CHN2: variants seen among roughly 807,000 people sequenced by gnomAD.
CHN2 encodes chimerin 2.
In CHN2, 35 loss-of-function variants were observed where a neutral mutation model predicts 56.3. The ratio of observed to expected loss-of-function variants is 0.62; its 90% CI spans 0.47 to 0.82. The LOEUF is 0.82. CHN2 is among the 40% of genes least tolerant of loss of function. The pLI, the probability that CHN2 is intolerant of heterozygous loss-of-function variation, is 0.00. For missense variants in CHN2, 491 were observed against 580.5 expected (o/e 0.85, Z 1.58); for synonymous variants, 210 against 212.8 (o/e 0.99, Z 0.12).
intron 2 of CHN2, chr7:29,181,493 C>G (rs1798048573): frequency 6.6e-6 from 1 of 152,112 alleles, no homozygotes; most frequent in Non-Finnish European, 1.5e-5. Flanking sequence ...AAGCCAAAAA[C>G]TGTGAAACAA....
intron 3 of CHN2, among the ~76,000 whole-genome samples, chr7:29,392,951 T>C (rs951755914): frequency 2.0e-5 from 3 of 152,236 alleles, no homozygotes; most frequent in Non-Finnish European, 4.4e-5. Context: ...AGGCCGAGCA[T>C]GAGAAATCAT....
chr7:29,459,082 A>G (rs1017651471), intron 6 of CHN2, among the ~76,000 whole-genome samples: 1 of 152,216 alleles, frequency 6.6e-6, no homozygotes, highest in Non-Finnish European at 1.5e-5. Context: ...ATGTAGTTTC[A>G]GATTTTCTCG....
chr7:29,358,603 C>T (rs1798499512), intron 2 of CHN2, among the ~76,000 whole-genome samples: 1 of 151,958 alleles, frequency 6.6e-6, no homozygotes, highest in Non-Finnish European at 1.5e-5. Context: ...GCTGGGACTA[C>T]AGGCACCCGC....
chr7:29,234,503 G>T (rs960788318), intron 1 of CHN2, among the ~76,000 whole-genome samples: 9 of 152,134 alleles, frequency 5.9e-5, no homozygotes, highest in African/African-American at 2.2e-4. Flanking sequence ...GTTTGCATGG[G>T]ATTTTTAAAG....
chr7:29,216,883 C>T (rs1785384488), intron 1 of CHN2, among the ~76,000 whole-genome samples: 1 of 152,176 alleles, frequency 6.6e-6, no homozygotes, highest in African/African-American at 2.4e-5. Flanking sequence ...CAGTTTGGAA[C>T]TTATTTGTAT....
chr7:29,431,819 C>G (rs1782879336), intron 6 of CHN2, among the ~76,000 whole-genome samples: 1 of 152,178 alleles, frequency 6.6e-6, no homozygotes, highest in African/African-American at 2.4e-5. Context: ...TCCCATCAGC[C>G]CCTGCTTTTC....
intron 2 of CHN2, among the ~76,000 whole-genome samples, chr7:29,367,332 GA>G (rs1799243056): frequency 4.6e-5 from 7 of 152,150 alleles, no homozygotes; most frequent in Admixed American, 4.6e-4. Flanking sequence ...AAGGGCCTAG[GA>G]AAGAGGAATG....
intron 1 of CHN2, among the ~76,000 whole-genome samples, chr7:29,216,702 A>G (rs1584764832): frequency 6.6e-6 from 1 of 152,206 alleles, no homozygotes; most frequent in African/African-American, 2.4e-5. Context: ...GGAAATCACA[A>G]GGACCAATTG....
intron 9 of CHN2, among the ~76,000 whole-genome samples, chr7:29,500,599 C>G (rs1040585838): frequency 6.6e-6 from 1 of 151,930 alleles, no homozygotes; most frequent in Non-Finnish European, 1.5e-5. Flanking sequence ...TGTGGATGGC[C>G]GTGTTCAGGG....
At chr7:29,281,585 A>C (rs776902900) in intron 1 of CHN2, among the ~76,000 whole-genome samples, 13 of 152,212 alleles carry the variant, frequency 8.5e-5, no homozygotes, top group Non-Finnish European at 1.8e-4. Flanking sequence ...CCTATTGGCA[A>C]GGTCTCCCGT....
intron 1 of CHN2, among the ~76,000 whole-genome samples, chr7:29,196,260 T>C (rs565829034): frequency 1.4e-4 from 21 of 152,238 alleles, no homozygotes; most frequent in Non-Finnish European, 2.8e-4. Context: ...CCATCTGTTA[T>C]CTTTCTTGGC....
Position 29,480,202 on chromosome 7 carries a change from C to T in CHN2, c.577-77C>T, listed in dbSNP as rs1033540100. On this transcript the variant is annotated intron_variant, in intron 6 of 12. Transcript: ENST00000222792. ...GGCAGGAAACGCCAAGAACTGCTGG[C>T]CGTAGCCTTCGGGGTGAAGGTGGGT... 3 of 1,613,144 alleles carry T rather than the reference C, an allele frequency of 1.9e-6. No individual in the cohort carries two copies. The African/African-American group carries it at 4.0e-5, about 22-fold the overall frequency.
intron 7 of CHN2, among the ~76,000 whole-genome samples, chr7:29,483,131 T>C (rs1239986080): frequency 6.6e-6 from 1 of 152,114 alleles, no homozygotes; most frequent in African/African-American, 2.4e-5. Flanking sequence ...TGCACTTTTT[T>C]CTAGAGGCCT....
intron 6 of CHN2, chr7:29,479,636 G>A (rs973878861): frequency 2.0e-6 from 2 of 1,013,994 alleles, no homozygotes; most frequent in African/African-American, 1.7e-5. Flanking sequence ...GCCCAGGATG[G>A]GGTTCAGAGC....
At chr7:29,159,121 A>G (rs1282964627) in intron 2 of CHN2, among the ~76,000 whole-genome samples, 1 of 152,212 alleles carries the variant, frequency 6.6e-6, no homozygotes, top group East Asian at 1.9e-4. Flanking sequence ...TACACAGCAC[A>G]AGGAGCCCTC....
chr7:29,494,358 C>T (rs1789006730), intron 7 of CHN2, among the ~76,000 whole-genome samples: 1 of 151,844 alleles, frequency 6.6e-6, no homozygotes, highest in Non-Finnish European at 1.5e-5. Context: ...ATTGACTTTG[C>T]TGCCATAATT....
At chr7:29,380,287 A>C (rs1400903626) in intron 3 of CHN2, among the ~76,000 whole-genome samples, 1 of 40,644 alleles carries the variant, frequency 2.5e-5, no homozygotes, top group Non-Finnish European at 6.6e-5. Flanking sequence ...GGTTCTTACC[A>C]AAAAAAAAAC....
At chr7:29,445,487 T>G (rs961708170) in intron 6 of CHN2, among the ~76,000 whole-genome samples, 2 of 152,190 alleles carry the variant, frequency 1.3e-5, no homozygotes, top group Non-Finnish European at 2.9e-5. Context: ...CCTTAAAGCA[T>G]AATAGTACTC....
At chr7:29,461,073 C>A (rs1312482972) in intron 6 of CHN2, among the ~76,000 whole-genome samples, 2 of 152,160 alleles carry the variant, frequency 1.3e-5, no homozygotes, top group African/African-American at 4.8e-5. Context: ...TAACTGAAGC[C>A]ATTCTCCTCC....
Sources: gnomAD v4.1 joint callset for allele counts (sites outside exome capture counted in the v4.1 genomes callset) on GRCh38, gnomAD v4.1.1 for gene constraint, MANE v1.5 for transcripts, NCBI Gene and HGNC (gene_info 2026-07-23, HGNC 2026-07-21) for gene names.